The following CHRM3 variants were observed in gnomAD, a reference collection of about 807,000 sequenced individuals.
CHRM3 encodes the protein muscarinic acetylcholine receptor M3.
A neutral mutation model predicts 41.8 loss-of-function variants in CHRM3; 11 were observed. The observed-to-expected ratio is 0.26, with a 90% CI of 0.17 to 0.44. The LOEUF is 0.44. Ranked by LOEUF, CHRM3 falls within the 20% of genes least tolerant of loss-of-function variation. The probability of loss-of-function intolerance (pLI) is 1.00; values close to 1 mark genes in which losing one functional copy is unlikely to be tolerated. For missense variants in CHRM3, 571 were observed against 745.4 expected (o/e 0.77, Z 2.72); for synonymous variants, 297 against 301.4 (o/e 0.99, Z 0.15).
At chr1:239,598,604 A>T (rs1572856750) in intron 3 of CHRM3, among the ~76,000 whole-genome samples, 1 of 152,258 alleles carries the variant, frequency 6.6e-6, no homozygotes, top group East Asian at 1.9e-4. Flanking sequence ...AACGAGTCCC[A>T]GATAGCTCAG....
intron 5 of CHRM3, among the ~76,000 whole-genome samples, chr1:239,769,129 C>A (rs112038158): frequency 9.9e-4 from 151 of 151,800 alleles, no homozygotes; most frequent in Middle Eastern, 3.4e-3. Flanking sequence ...CCAGGAATTT[C>A]TTCTTTCATT....
At chr1:239,858,886 G>A (rs946216036) in intron 6 of CHRM3, among the ~76,000 whole-genome samples, 2 of 152,114 alleles carry the variant, frequency 1.3e-5, no homozygotes, top group Admixed American at 6.5e-5. Context: ...AGCTTCTTTT[G>A]CTTAGCAGAA....
chr1:239,689,468 G>T (rs188235352), intron 5 of CHRM3, among the ~76,000 whole-genome samples: 192 of 152,196 alleles, frequency 1.3e-3, no homozygotes, highest in South Asian at 3.7e-3. Flanking sequence ...TTTTTAATAA[G>T]AGTTAAAAGG....
intron 5 of CHRM3, among the ~76,000 whole-genome samples, chr1:239,728,595 C>G (rs1663663868): frequency 6.6e-6 from 1 of 151,966 alleles, no homozygotes; most frequent in Non-Finnish European, 1.5e-5. Context: ...TGACAAGTCT[C>G]TATAAAAATC....
intron 1 of CHRM3, among the ~76,000 whole-genome samples, chr1:239,399,945 CT>C (rs1572160950): frequency 6.6e-6 from 1 of 152,084 alleles, no homozygotes; most frequent in Admixed American, 6.6e-5. Context: ...CAGAGTCTCA[CT>C]CTGTTGCCCA....
intron 5 of CHRM3, among the ~76,000 whole-genome samples, chr1:239,725,764 T>C (rs781036432): frequency 5.3e-5 from 8 of 151,916 alleles, no homozygotes; most frequent in Non-Finnish European, 7.4e-5. Flanking sequence ...TTGCAAACTA[T>C]TTCAAAAAGG....
At chr1:239,447,680 G>A (rs1664249690) in intron 1 of CHRM3, among the ~76,000 whole-genome samples, 1 of 152,182 alleles carries the variant, frequency 6.6e-6, no homozygotes. Context: ...GGAATCTGAG[G>A]CAGGAGAATC....
At chr1:239,430,688 T>TAC (rs1257129313) in intron 1 of CHRM3, among the ~76,000 whole-genome samples, 3 of 118,218 alleles carry the variant, frequency 2.5e-5, no homozygotes, top group Non-Finnish European at 3.7e-5. Context: ...TATATATATA[T>TAC]ACACACACAC....
chr1:239,608,143 C>G (rs1212295948), intron 3 of CHRM3, among the ~76,000 whole-genome samples: 1 of 152,250 alleles, frequency 6.6e-6, no homozygotes, highest in South Asian at 2.1e-4. Context: ...TGCACTATAT[C>G]CAATGTTAAA....
intron 1 of CHRM3, among the ~76,000 whole-genome samples, chr1:239,441,621 A>T (rs901431947): frequency 3.3e-5 from 5 of 152,238 alleles, no homozygotes; most frequent in African/African-American, 1.2e-4. Flanking sequence ...CATTTTGGAA[A>T]GGTCCATGGA....
intron 2 of CHRM3, among the ~76,000 whole-genome samples, chr1:239,500,075 T>G (rs1668125407): frequency 6.6e-6 from 1 of 151,834 alleles, no homozygotes; most frequent in Non-Finnish European, 1.5e-5. Context: ...ATAGCTTTTA[T>G]TATTTTGAGA....
At chr1:239,437,083 CT>C (rs1293212848) in intron 1 of CHRM3, among the ~76,000 whole-genome samples, 2 of 151,944 alleles carry the variant, frequency 1.3e-5, no homozygotes, top group African/African-American at 4.8e-5. Context: ...AATTTTTAAA[CT>C]TTTTTTTCCC....
At chr1:239,904,584 G>A (rs1352884136) in intron 6 of CHRM3, among the ~76,000 whole-genome samples, 1 of 152,216 alleles carries the variant, frequency 6.6e-6, no homozygotes, top group Non-Finnish European at 1.5e-5. Flanking sequence ...GAATGTAATT[G>A]TGGGCTACAA....
chr1:239,429,326 A>G (rs1158862143), intron 1 of CHRM3, among the ~76,000 whole-genome samples: 1 of 152,206 alleles, frequency 6.6e-6, no homozygotes, highest in Non-Finnish European at 1.5e-5. Flanking sequence ...CTTGAAATCC[A>G]TTATCCCTGA....
intron 1 of CHRM3, among the ~76,000 whole-genome samples, chr1:239,445,830 A>G (rs1377088425): frequency 6.6e-6 from 1 of 152,202 alleles, no homozygotes; most frequent in Non-Finnish European, 1.5e-5. Flanking sequence ...AAGACATAGA[A>G]TTTGCCATGA....
chr1:239,413,060 G>A (rs1032665587), intron 1 of CHRM3, among the ~76,000 whole-genome samples: 2 of 147,382 alleles, frequency 1.4e-5, no homozygotes, highest in Admixed American at 1.4e-4. Flanking sequence ...CCTGGTGACA[G>A]AGCGAGACTC....
chr1:239,521,622 G>T (rs1669644198), intron 2 of CHRM3, among the ~76,000 whole-genome samples: 1 of 152,100 alleles, frequency 6.6e-6, no homozygotes. Context: ...AAGACTTCTT[G>T]ATGCACTGGT....
At chr1:239,830,857 C>G (rs1475151578) in intron 6 of CHRM3, among the ~76,000 whole-genome samples, 1 of 152,136 alleles carries the variant, frequency 6.6e-6, no homozygotes, top group African/African-American at 2.4e-5. Flanking sequence ...ACTCTCACCC[C>G]CCTGAAACAA....
Position 239,545,734 on chromosome 1 carries a change from C to G in CHRM3, c.-328C>G, listed in dbSNP as rs142727838. ...TCCATCCCCATCATGATGTACAGAA[C>G]CAAGTCTCTTCACTAGTAGGTATTT... On this transcript the variant is annotated 5_prime_UTR_variant, in exon 3 of 7. Coordinates refer to ENST00000676153, the MANE Select transcript of CHRM3 (RefSeq NM_001375978.1). The G allele has an allele frequency of 2.0e-5, 3 of 152,160 alleles. No individual in the cohort carries two copies. The East Asian group carries it at 5.8e-4, about 29-fold the overall frequency. The allele number at this position is 152,160 out of a possible 1,614,324, so 9.4% of individuals were successfully genotyped here.
Sources: allele counts gnomAD v4.1 joint callset (sites outside exome capture counted in the v4.1 genomes callset), GRCh38; gene constraint gnomAD v4.1.1; transcripts MANE v1.5; gene names NCBI Gene and HGNC (gene_info 2026-07-23, HGNC 2026-07-21).